The following SHTN1 variants were observed in gnomAD, a reference collection of about 807,000 sequenced individuals.
The protein encoded by SHTN1 is shootin-1.
A neutral mutation model predicts 83.1 loss-of-function variants in SHTN1; 42 were observed. The ratio of observed to expected loss-of-function variants is 0.51; its 90% confidence interval spans 0.39 to 0.65. The LOEUF is 0.65. Among genes scored for constraint, SHTN1 ranks in the 30% least tolerant of loss-of-function variants. The pLI, the probability that SHTN1 is intolerant of heterozygous loss-of-function variation, is 0.00. For synonymous variants in SHTN1, 224 were observed against 247.7 expected (o/e 0.90, Z 0.90); for missense variants, 622 against 737.8 (o/e 0.84, Z 1.82).
At chr10:117,005,228 A>G, upstream of SHTN1, 1 of 1,498,746 alleles carries the variant, frequency 6.7e-7, no homozygotes, top group South Asian at 1.3e-5. Context: ...CCTGGCGCGG[A>G]GCGCGCGAGT....
At chr10:117,099,043 C>CACACACA (rs975155213) in intron 1 of SHTN1, among the ~76,000 whole-genome samples, 3 of 150,776 alleles carry the variant, frequency 2.0e-5, no homozygotes, top group African/African-American at 7.4e-5. Context: ...CACACACACA[C>CACACACA]ACCATAAAAA....
intron 16 of SHTN1, among the ~76,000 whole-genome samples, chr10:116,898,101 G>A (rs765015994): frequency 6.6e-6 from 1 of 152,128 alleles, no homozygotes; most frequent in African/African-American, 2.4e-5. Context: ...GCTGAGGTGG[G>A]TGGATCACCT....
Position 116,960,132 on chromosome 10 carries a change from T to G in SHTN1, c.267+4A>C. On this transcript the variant is annotated splice_donor_region_variant and intron_variant, in intron 4 of 16. Coordinates refer to ENST00000355371, the MANE Select transcript of SHTN1 (RefSeq NM_001127211.3). Reference sequence around the variant, plus strand: ...AGGTAAAATTCCTTCATTTGAAGTCTCACCTTTGTTGCCAAAGCTTCAGCA... The same window carrying G: ...AGGTAAAATTCCTTCATTTGAAGTCGCACCTTTGTTGCCAAAGCTTCAGCA... 6.4e-7 allele frequency: 1 copy of G among 1,570,598 alleles called. No homozygotes were observed. Among genetic ancestry groups the G allele is most frequent in the Non-Finnish European group, 8.8e-7 (1 of 1,141,324 alleles).
chr10:117,019,691 G>A (rs899104820), intron 2 of SHTN1, among the ~76,000 whole-genome samples: 1 of 151,750 alleles, frequency 6.6e-6, no homozygotes, highest in Non-Finnish European at 1.5e-5. Flanking sequence ...AAAGTAGCTG[G>A]TCATGTAGCA....
chr10:117,090,003 T>C (rs999941742), intron 1 of SHTN1, among the ~76,000 whole-genome samples: 2 of 152,222 alleles, frequency 1.3e-5, no homozygotes, highest in Admixed American at 1.3e-4. Flanking sequence ...GCAGCCGCTA[T>C]GGAAAACAGC....
chr10:116,966,447 A>G (rs754305495), intron 3 of SHTN1, among the ~76,000 whole-genome samples: 1 of 152,260 alleles, frequency 6.6e-6, no homozygotes, highest in Non-Finnish European at 1.5e-5. Flanking sequence ...AAAGACACTT[A>G]GTAAAGGTAA....
chr10:116,915,999 T>C (rs1418514022), intron 12 of SHTN1, among the ~76,000 whole-genome samples: 1 of 152,224 alleles, frequency 6.6e-6, no homozygotes, highest in East Asian at 1.9e-4. Context: ...TAAAATCTAT[T>C]TTTAAACTGC....
intron 1 of SHTN1, among the ~76,000 whole-genome samples, chr10:116,983,666 AGAT>A (rs1564913515): frequency 1.0e-4 from 9 of 86,832 alleles, no homozygotes; most frequent in African/African-American, 3.0e-4. Context: ...ATAGATAGAT[AGAT>A]AGATAGATAG....
chr10:116,925,750 C>CCTTCTTCCT (rs1848723566), intron 11 of SHTN1, among the ~76,000 whole-genome samples: 1 of 152,162 alleles, frequency 6.6e-6, no homozygotes, highest in Non-Finnish European at 1.5e-5. Flanking sequence ...CCAAGGTTTG[C>CCTTCTTCCT]CTTCTTCCTC....
At position 116,951,905 on chromosome 10, in the gene SHTN1, ATACTTCTTCAAT is replaced by A; in HGVS notation, c.526_534+3del. On this transcript the variant is annotated splice_donor_variant and splice_donor_region_variant and coding_sequence_variant and intron_variant, in exon 6 of 17. Coordinates refer to ENST00000355371, the MANE Select transcript of SHTN1 (RefSeq NM_001127211.3). LOFTEE classifies it high-confidence loss of function. ...CCCTTGCCTTTCAGGCCTGAGATAC[ATACTTCTTCAAT>A]TACTTCTACGAGTTTGCTCTTGAGA... The A allele has an allele frequency of 6.5e-7, 1 of 1,545,140 alleles. No homozygotes were observed. Among genetic ancestry groups the A allele is most frequent in the Non-Finnish European group, 8.9e-7 (1 of 1,126,558 alleles).
intron 16 of SHTN1, among the ~76,000 whole-genome samples, chr10:116,898,184 TG>T (rs1458070546): frequency 2.6e-5 from 4 of 152,010 alleles, no homozygotes; most frequent in African/African-American, 9.7e-5. Flanking sequence ...AAAAATTAGC[TG>T]GGCATGGTGG....
chr10:117,038,833 C>T (rs1006967725), intron 2 of SHTN1, among the ~76,000 whole-genome samples: 1 of 152,194 alleles, frequency 6.6e-6, no homozygotes, highest in African/African-American at 2.4e-5. Context: ...ATCCAGAACA[C>T]TGACGATACC....
At chr10:116,908,864 T>C (rs1276174207) in intron 14 of SHTN1, among the ~76,000 whole-genome samples, 2 of 152,198 alleles carry the variant, frequency 1.3e-5, no homozygotes, top group African/African-American at 4.8e-5. Flanking sequence ...TTTTAACCCT[T>C]GAATCCCCAA....
chr10:117,123,975 G>T (rs1367413577), intron 1 of SHTN1, among the ~76,000 whole-genome samples: 1 of 151,632 alleles, frequency 6.6e-6, no homozygotes, highest in Admixed American at 6.6e-5. Flanking sequence ...ACTTTGGGAG[G>T]CCAAGGTGGG....
intron 9 of SHTN1, among the ~76,000 whole-genome samples, chr10:116,931,458 A>G (rs1654581155): frequency 1.3e-5 from 2 of 152,176 alleles, no homozygotes; most frequent in African/African-American, 4.8e-5. Context: ...CACATTGGCC[A>G]GGCTGGTTTC....
At chr10:116,997,514 G>A (rs1372180002) in intron 1 of SHTN1, among the ~76,000 whole-genome samples, 1 of 152,066 alleles carries the variant, frequency 6.6e-6, no homozygotes, top group Admixed American at 6.5e-5. Flanking sequence ...CTTGACAGTT[G>A]GGAGAAGTGC....
chr10:117,077,228 A>G (rs752465349), intron 1 of SHTN1, among the ~76,000 whole-genome samples: 1 of 152,190 alleles, frequency 6.6e-6, no homozygotes, highest in Non-Finnish European at 1.5e-5. Context: ...GATCAGGAGG[A>G]GGTATGAAAG....
At chr10:117,092,710 A>G (rs1390066152) in intron 1 of SHTN1, among the ~76,000 whole-genome samples, 1 of 152,120 alleles carries the variant, frequency 6.6e-6, no homozygotes, top group Non-Finnish European at 1.5e-5. Context: ...AGCAATTACC[A>G]TTTTCTGGAG....
At chr10:117,024,809 G>A (rs1852308298) in intron 2 of SHTN1, among the ~76,000 whole-genome samples, 1 of 152,068 alleles carries the variant, frequency 6.6e-6, no homozygotes, top group Admixed American at 6.5e-5. Flanking sequence ...GATTGATGGA[G>A]GAATACAGGA....
Sources: gnomAD v4.1 joint callset for allele counts (sites outside exome capture counted in the v4.1 genomes callset) on GRCh38, gnomAD v4.1.1 for gene constraint, MANE v1.5 for transcripts, NCBI Gene and HGNC (gene_info 2026-07-23, HGNC 2026-07-21) for gene names.